The following APBA1 variants were observed in gnomAD, a reference collection of about 807,000 sequenced individuals.
APBA1 encodes amyloid-beta A4 precursor protein-binding family A member 1.
Under a neutral mutation model 86.6 loss-of-function variants are expected in APBA1, and 55 were observed. The ratio of observed to expected loss-of-function variants is 0.64; its 90% CI spans 0.51 to 0.80. APBA1 has a LOEUF of 0.80. Among genes scored for constraint, APBA1 ranks in the 30% least tolerant of loss-of-function variants. APBA1 has a pLI of 0.00. For missense variants in APBA1, 1,090 were observed against 1,183.0 expected (o/e 0.92, Z 1.15); for synonymous variants, 511 against 493.9 (o/e 1.03, Z -0.46).
At chr9:69,645,194 G>A (rs1267976783) in intron 1 of APBA1, among the ~76,000 whole-genome samples, 1 of 152,272 alleles carries the variant, frequency 6.6e-6, no homozygotes, top group East Asian at 1.9e-4. Flanking sequence ...AGTATAACTT[G>A]TATGTTTTTT....
intron 2 of APBA1, among the ~76,000 whole-genome samples, chr9:69,505,932 T>G (rs559452016): frequency 1.3e-5 from 2 of 151,440 alleles, no homozygotes; most frequent in Non-Finnish European, 2.9e-5. Flanking sequence ...GACAGGAGAA[T>G]TGCTTGAGCC....
At chr9:69,636,137 A>C (rs1823153499) in intron 1 of APBA1, among the ~76,000 whole-genome samples, 1 of 152,254 alleles carries the variant, frequency 6.6e-6, no homozygotes. Flanking sequence ...AAACAGGTTT[A>C]TGAAAAGATG....
At chr9:69,530,559 C>T (rs565139969) in intron 1 of APBA1, among the ~76,000 whole-genome samples, 3 of 152,052 alleles carry the variant, frequency 2.0e-5, no homozygotes, top group South Asian at 2.1e-4. Context: ...ATACCAGGGA[C>T]TCCAAAAGAG....
At chr9:69,513,093 A>G (rs1008285698) in intron 2 of APBA1, among the ~76,000 whole-genome samples, 5 of 152,348 alleles carry the variant, frequency 3.3e-5, no homozygotes, top group African/African-American at 1.2e-4. Flanking sequence ...ACTTTAAAGC[A>G]CAGGTTTTCA....
intron 1 of APBA1, among the ~76,000 whole-genome samples, chr9:69,670,730 T>C (rs920746064): frequency 1.3e-5 from 2 of 152,154 alleles, no homozygotes; most frequent in Middle Eastern, 3.2e-3. Flanking sequence ...TTGTTCCCAC[T>C]GGGTGAGTTG....
At chr9:69,498,984 T>G (rs1835841533) in intron 2 of APBA1, among the ~76,000 whole-genome samples, 1 of 152,146 alleles carries the variant, frequency 6.6e-6, no homozygotes, top group Non-Finnish European at 1.5e-5. Context: ...GAGGTCTGCC[T>G]GGAAAACACA....
At chr9:69,469,877 A>C (rs1835339215) in intron 4 of APBA1, among the ~76,000 whole-genome samples, 1 of 152,210 alleles carries the variant, frequency 6.6e-6, no homozygotes, top group Non-Finnish European at 1.5e-5. Context: ...TGGGATATGA[A>C]CTTTTAAAAG....
chr9:69,636,323 T>G (rs556886177), intron 1 of APBA1, among the ~76,000 whole-genome samples: 1 of 152,218 alleles, frequency 6.6e-6, no homozygotes, highest in East Asian at 1.9e-4. Flanking sequence ...ACAGCCACTA[T>G]GGAGAACAGT....
intron 1 of APBA1, among the ~76,000 whole-genome samples, chr9:69,554,801 A>C (rs879610972): frequency 5.5e-4 from 83 of 150,352 alleles, no homozygotes; most frequent in Admixed American, 1.5e-3. Context: ...TAAAAAAAAA[A>C]CACACATGGT....
intron 1 of APBA1, among the ~76,000 whole-genome samples, chr9:69,658,485 C>T (rs1275985097): frequency 1.3e-5 from 2 of 151,318 alleles, no homozygotes; most frequent in African/African-American, 2.4e-5. Flanking sequence ...TCACTGCAAC[C>T]TCCACCTCCT....
At chr9:69,560,700 T>C (rs1254484150) in intron 1 of APBA1, among the ~76,000 whole-genome samples, 1 of 152,164 alleles carries the variant, frequency 6.6e-6, no homozygotes, top group East Asian at 1.9e-4. Flanking sequence ...GGATCTTAAA[T>C]TTTTTCAGAT....
At chr9:69,557,386 A>G (rs7871895) in intron 1 of APBA1, among the ~76,000 whole-genome samples, 46,560 of 152,132 alleles carry the variant, frequency 0.31, 7,420 homozygotes, top group South Asian at 0.43. Context: ...GCAAGATTTT[A>G]CACAACTTCA....
At chr9:69,668,385 T>G (rs1424171987) in intron 1 of APBA1, among the ~76,000 whole-genome samples, 2 of 152,210 alleles carry the variant, frequency 1.3e-5, no homozygotes, top group Non-Finnish European at 1.5e-5. Flanking sequence ...TTCCAGTGAC[T>G]GTTCAAGCTC....
Position 69,611,243 on chromosome 9 carries a change from G to A in APBA1, c.-70+60910C>T, listed in dbSNP as rs143244696. On this transcript the variant is annotated intron_variant, in intron 1 of 12. Transcript: ENST00000265381. The stretch of plus-strand genomic sequence containing the variant: ...GCAGTAATATAAGGTATCTCTGTCC[G>A]GGATAAAAATTGCTCTGTCTGACAT... Among the ~76,000 whole-genome samples, 36 of 147,440 alleles carry A rather than the reference G, an allele frequency of 2.4e-4. No individual in the cohort carries two copies. The East Asian group carries it at 7.0e-3, about 29-fold the overall frequency.
intron 1 of APBA1, among the ~76,000 whole-genome samples, chr9:69,599,667 A>G (rs980396044): frequency 6.6e-6 from 1 of 152,186 alleles, no homozygotes; most frequent in Non-Finnish European, 1.5e-5. Flanking sequence ...CTGGACCAGT[A>G]GCACCAGCAG....
intron 4 of APBA1, among the ~76,000 whole-genome samples, chr9:69,470,674 C>T (rs992730253): frequency 2.0e-5 from 3 of 152,302 alleles, no homozygotes; most frequent in South Asian, 2.1e-4. Context: ...TGACTGTTTA[C>T]GCACAGGATC....
At chr9:69,511,975 A>T (rs1411912414) in intron 2 of APBA1, among the ~76,000 whole-genome samples, 1 of 151,890 alleles carries the variant, frequency 6.6e-6, no homozygotes. Flanking sequence ...CTAATGCTAG[A>T]TGACGAGTTA....
chr9:69,530,237 A>G (rs934166895), intron 1 of APBA1, among the ~76,000 whole-genome samples: 7 of 151,796 alleles, frequency 4.6e-5, no homozygotes, highest in Admixed American at 2.0e-4. Flanking sequence ...TATTCACAAT[A>G]GCAAAGTTAT....
chr9:69,439,813 C>T (rs568689371), intron 11 of APBA1, among the ~76,000 whole-genome samples: 119 of 152,302 alleles, frequency 7.8e-4, no homozygotes, highest in Admixed American at 1.2e-3. Flanking sequence ...CAGCTTTGTT[C>T]CGTTGCTGGT....
Sources: gnomAD v4.1 joint callset for allele counts (sites outside exome capture counted in the v4.1 genomes callset) on GRCh38, gnomAD v4.1.1 for gene constraint, MANE v1.5 for transcripts, NCBI Gene and HGNC (gene_info 2026-07-23, HGNC 2026-07-21) for gene names.